NFS1: variants seen among roughly 807,000 people sequenced by gnomAD.
NFS1 encodes the protein NFS1 cysteine desulfurase.
In NFS1, 26 loss-of-function variants were observed where a neutral mutation model predicts 57.3. The ratio of observed to expected loss-of-function variants is 0.45; its 90% CI spans 0.33 to 0.63. NFS1 has a LOEUF of 0.63. NFS1 is among the 20% of genes least tolerant of loss of function. The pLI is 0.02. For synonymous variants in NFS1, 209 were observed against 216.3 expected (o/e 0.97, Z 0.30); for missense variants, 505 against 605.8 (o/e 0.83, Z 1.75).
intron 6 of NFS1, among the ~76,000 whole-genome samples, chr20:35,681,472 C>T (rs549891019): frequency 4.1e-4 from 62 of 152,212 alleles, no homozygotes; most frequent in African/African-American, 1.4e-3. Flanking sequence ...CCAAGGCAGA[C>T]GGATCACCTG....
intron 4 of NFS1, among the ~76,000 whole-genome samples, chr20:35,691,945 G>A (rs1305965104): frequency 2.0e-5 from 3 of 151,862 alleles, no homozygotes; most frequent in African/African-American, 7.3e-5. Context: ...CACTTTGGGA[G>A]GCCGAGAAGG....
At position 35,699,326 on chromosome 20, in the gene NFS1, A is replaced by G; in HGVS notation, c.-38T>C. On this transcript the variant is annotated 5_prime_UTR_variant, in exon 1 of 13. Coordinates refer to ENST00000374092, the MANE Select transcript of NFS1 (RefSeq NM_021100.5). This position sits in a 1 kb window ranked among gnomAD's most constrained non-coding sequence, Gnocchi z 4.4. ...AGAGCCCACCTTCCGAAGCCGCTGC[A>G]GTCCTGGGCCCCAGGCTCCCGGAAG... The G allele has an allele frequency of 7.2e-7, 1 of 1,393,228 alleles. No homozygotes were observed. Among genetic ancestry groups the G allele is most frequent in the Non-Finnish European group, 9.3e-7 (1 of 1,078,278 alleles). The allele number at this position is 1,393,228 out of a possible 1,614,324, so 86.3% of individuals were successfully genotyped here.
intron 4 of NFS1, chr20:35,692,410 AAG>A: frequency 5.7e-6 from 1 of 176,716 alleles, no homozygotes; most frequent in Non-Finnish European, 1.2e-5. Flanking sequence ...AAAAAAAAAA[AAG>A]GGGGCTGGAT....
chr20:35,695,095 C>G (rs182396981), intron 4 of NFS1, among the ~76,000 whole-genome samples: 1 of 152,182 alleles, frequency 6.6e-6, no homozygotes, highest in African/African-American at 2.4e-5. Context: ...CACAGGTACT[C>G]TTAGCGATCC....
rs1421789403 is a variant in NFS1, at chr20:35,668,507, T to C, written c.*1115A>G. On this transcript the variant is annotated 3_prime_UTR_variant, in exon 13 of 13. Coordinates refer to ENST00000374092, the MANE Select transcript of NFS1 (RefSeq NM_021100.5). ...CTCTTGGTTTCTAAAGTATAATACT[T>C]TGTGCTTTATCACACTTCAGGCCCT... The C allele has an allele frequency of 6.6e-6, 1 of 152,236 alleles. No homozygotes were observed. The highest frequency in any genetic ancestry group is 1.9e-4 in the East Asian group (1 of 5,206). 9.4% of individuals were successfully genotyped at this position (152,236 alleles called of 1,614,324 possible).
In NFS1 at chr20:35,680,725, A is replaced by G; in HGVS notation, c.790+12T>C. ...AGGTACAGAGAGAAGGAACTCTAGAAGGGGCTGGTACCTTTGGGACCGTAG... is the reference window on the plus strand; with the variant it reads ...AGGTACAGAGAGAAGGAACTCTAGAGGGGGCTGGTACCTTTGGGACCGTAG... On this transcript the variant is annotated intron_variant, in intron 7 of 12. Transcript: ENST00000374092. The G allele has an allele frequency of 1.3e-6, 2 of 1,500,258 alleles. No individual in the cohort carries two copies. Among genetic ancestry groups the G allele is most frequent in the Non-Finnish European group, 1.8e-6 (2 of 1,123,842 alleles). The allele number at this position is 1,500,258 out of a possible 1,614,324, so 92.9% of individuals were successfully genotyped here.
intron 4 of NFS1, chr20:35,692,230 G>T: frequency 3.7e-6 from 1 of 269,248 alleles, no homozygotes; most frequent in Non-Finnish European, 7.2e-6. Context: ...AAAAATTAGC[G>T]AGGTGTGGTG....
intron 4 of NFS1, among the ~76,000 whole-genome samples, chr20:35,695,981 A>G (rs1298763011): frequency 1.3e-5 from 2 of 152,144 alleles, no homozygotes; most frequent in Admixed American, 6.6e-5. Flanking sequence ...TGGAGTTTGC[A>G]GTGAGCTGAG....
At position 35,674,331 on chromosome 20, in the gene NFS1, T is replaced by C. The variant is rs1448919460; in HGVS notation, c.1136+19A>G. The C allele has an allele frequency of 6.2e-7, 1 of 1,610,270 alleles. No individual in the cohort carries two copies. Among genetic ancestry groups the C allele is most frequent in the East Asian group, 2.2e-5 (1 of 44,854 alleles). ...CTAAGTGGCCCTGCCGCAGGCCCTGTCTATGCCGTCCAGCTCACCTCCCTG... is the reference window on the plus strand; with the variant it reads ...CTAAGTGGCCCTGCCGCAGGCCCTGCCTATGCCGTCCAGCTCACCTCCCTG... On this transcript the variant is annotated intron_variant, in intron 10 of 12. Transcript: ENST00000374092.
At position 35,672,770 on chromosome 20, in the gene NFS1, C is replaced by T. The variant is rs188144557; in HGVS notation, c.1295G>A (p.Arg432His). The part of the protein sequence containing the change: ...TVEKCIQHVK[R>H]LREMSPLWEM... The stretch of plus-strand genomic sequence containing the variant: ...ATATGTATACCTCATTTCTCGAAGA[C>T]GCTTCACATGCTGAATGCATTTCTC... Residue 432 changes from arginine (R) to histidine (H), a missense_variant, in exon 12 of 13, where the codon CGT becomes CAT. By Grantham distance (29) the Arg-to-His change is conservative (BLOSUM62 0). Transcript: ENST00000374092. The T allele has an allele frequency of 2.4e-5, 38 of 1,611,274 alleles. 1 individual carries two copies. In the East Asian group the frequency reaches 3.6e-4, roughly 15 times the overall value.
intron 6 of NFS1, 142 bp downstream of exon 6, chr20:35,681,746 C>T (rs775677016): frequency 3.9e-6 from 2 of 509,210 alleles, no homozygotes; most frequent in Non-Finnish European, 7.4e-6. Context: ...CTGCCTATGA[C>T]ACTTCCAATG....
chr20:35,696,562 A>C, intron 3 of NFS1, 102 bp from the exon 4 acceptor site: 1 of 772,134 alleles, frequency 1.3e-6, no homozygotes. Context: ...GCTCCACTGC[A>C]TTCCACCAAA....
At position 35,669,532 on chromosome 20, in the gene NFS1, G is replaced by T; in HGVS notation, c.*90C>A. ...GTCAACTGGTCTATACCAATCTAGA[G>T]CATCCACTAGGTGTAACAAGGTGTC... On this transcript the variant is annotated 3_prime_UTR_variant, in exon 13 of 13. Coordinates refer to ENST00000374092, the MANE Select transcript of NFS1 (RefSeq NM_021100.5). 8.9e-7 allele frequency: 1 copy of T among 1,128,850 alleles called. No homozygotes were observed. Among genetic ancestry groups the T allele is most frequent in the Non-Finnish European group, 1.4e-6 (1 of 739,822 alleles). 69.9% of individuals were successfully genotyped at this position (1,128,850 alleles called of 1,614,324 possible). A position where few individuals can be genotyped will look rare whatever the true frequency, so the allele number is the denominator to read the frequency against.
intron 8 of NFS1, 127 bp downstream of exon 8, chr20:35,674,918 G>A: frequency 7.6e-7 from 1 of 1,313,390 alleles, no homozygotes; most frequent in East Asian, 2.3e-5. Flanking sequence ...AGCAGCACCA[G>A]GACAAGGAAG....
intron 2 of NFS1, among the ~76,000 whole-genome samples, chr20:35,698,270 T>C (rs1302509993): frequency 6.6e-6 from 1 of 152,266 alleles, no homozygotes; most frequent in African/African-American, 2.4e-5. Context: ...CTATAGAGCC[T>C]GCGCTGAAGT....
chr20:35,689,805 G>C (rs2146432575), intron 5 of NFS1, among the ~76,000 whole-genome samples: 1 of 150,530 alleles, frequency 6.6e-6, no homozygotes, highest in East Asian at 2.0e-4. Flanking sequence ...AGGTGTGGTG[G>C]CACGTGCCTG....
intron 7 of NFS1, among the ~76,000 whole-genome samples, chr20:35,676,673 A>G (rs1375123487): frequency 1.4e-5 from 2 of 147,468 alleles, no homozygotes; most frequent in Non-Finnish European, 3.0e-5. Flanking sequence ...AGAAAGCTGG[A>G]GGAGAAGTAT....
chr20:35,692,399 T>TAAAA, intron 4 of NFS1: 2 of 154,238 alleles, frequency 1.3e-5, no homozygotes, highest in Non-Finnish European at 2.7e-5. Flanking sequence ...ATTAATTAAT[T>TAAAA]AAAAAAAAAA....
intron 7 of NFS1, among the ~76,000 whole-genome samples, chr20:35,679,728 C>T (rs1052231757): frequency 2.6e-5 from 4 of 152,096 alleles, no homozygotes; most frequent in African/African-American, 9.7e-5. Flanking sequence ...GCTATTACAC[C>T]TACTTCCACA....
Sources: gnomAD v4.1 joint callset for allele counts (sites outside exome capture counted in the v4.1 genomes callset) on GRCh38, gnomAD v4.1.1 for gene constraint, Gnocchi (gnomAD v3.1) non-coding constraint, MANE v1.5 for transcripts, NCBI Gene and HGNC (gene_info 2026-07-23, HGNC 2026-07-21) for gene names.